GINS1: variants seen among roughly 807,000 people sequenced by gnomAD.
GINS1 encodes GINS complex subunit 1.
In GINS1, 26 loss-of-function variants were observed where a neutral mutation model predicts 34.9. The observed-to-expected ratio is 0.74, with a 90% CI of 0.55 to 1.03. The LOEUF (loss-of-function observed/expected upper bound fraction) is 1.03. Among genes scored for constraint, GINS1 ranks in the 50% least tolerant of loss-of-function variants. GINS1 has a pLI of 0.00. For missense variants in GINS1, 235 were observed against 237.9 expected (o/e 0.99, Z 0.08); for synonymous variants, 97 against 84.4 (o/e 1.15, Z -0.82).
chr20:25,444,072 C>G (rs6132833), intron 6 of GINS1, among the ~76,000 whole-genome samples: 57,771 of 151,190 alleles, frequency 0.38, 12,578 homozygotes, highest in East Asian at 0.92. Context: ...AGTGCAGTGG[C>G]GTGATCTTGG....
At chr20:25,417,535 TCTTA>T (rs1365698752) in intron 3 of GINS1, among the ~76,000 whole-genome samples, 1 of 152,148 alleles carries the variant, frequency 6.6e-6, no homozygotes. Context: ...ACGGTAGTGT[TCTTA>T]CTATTTTTTC....
intron 5 of GINS1, among the ~76,000 whole-genome samples, chr20:25,435,457 G>A (rs2090448828): frequency 1.3e-5 from 2 of 151,974 alleles, no homozygotes; most frequent in South Asian, 4.1e-4. Context: ...TCCAAGCCTG[G>A]CTAATTTTTA....
intron 4 of GINS1, among the ~76,000 whole-genome samples, chr20:25,424,183 C>G (rs910354350): frequency 1.3e-5 from 2 of 152,116 alleles, no homozygotes; most frequent in Admixed American, 1.3e-4. Context: ...GTTCTTATAC[C>G]AATTCCACTG....
chr20:25,409,051 A>G, intron 1 of GINS1: 1 of 984,214 alleles, frequency 1.0e-6, no homozygotes, highest in Non-Finnish European at 1.2e-6. Flanking sequence ...ATCCTCAAGG[A>G]TGAGGTTACT....
At position 25,448,197 on chromosome 20, in the gene GINS1, T is replaced by G. The variant is rs1009108211; in HGVS notation, c.*2206T>G. On this transcript the variant is annotated 3_prime_UTR_variant, in exon 7 of 7. Coordinates refer to ENST00000262460, the MANE Select transcript of GINS1 (RefSeq NM_021067.5). Reference sequence around the variant, plus strand: ...ACAACAAAAACCCCTGTTGGGCACCTTGATTGAGATTGCATTGAATTTATA... The same window carrying G: ...ACAACAAAAACCCCTGTTGGGCACCGTGATTGAGATTGCATTGAATTTATA... 1 of 152,198 alleles carries G rather than the reference T, an allele frequency of 6.6e-6. No individual in the cohort carries two copies. Among genetic ancestry groups the G allele is most frequent in the African/African-American group, 2.4e-5 (1 of 41,452 alleles). 9.4% of individuals were successfully genotyped at this position (152,198 alleles called of 1,614,324 possible). A position where few individuals can be genotyped will look rare whatever the true frequency, so the allele number is the denominator to read the frequency against.
Position 25,445,917 on chromosome 20 carries a change from C to T in GINS1, c.523-6C>T, listed in dbSNP as rs752753284. Reference sequence around the variant, plus strand: ...ACTCTTTCTCCATCCCTTCTTGTCCCCTCAGCACTTTTTACCTCGATGGAA... The same window carrying T: ...ACTCTTTCTCCATCCCTTCTTGTCCTCTCAGCACTTTTTACCTCGATGGAA... On this transcript the variant is annotated splice_region_variant and splice_polypyrimidine_tract_variant and intron_variant, in intron 6 of 6. Coordinates refer to ENST00000262460, the MANE Select transcript of GINS1 (RefSeq NM_021067.5). 4.4e-6 allele frequency: 7 copies of T among 1,578,206 alleles called. No homozygotes were observed. In the African/African-American group the frequency reaches 8.1e-5, roughly 18 times the overall value.
At chr20:25,426,682 C>T (rs779021784) in intron 5 of GINS1, among the ~76,000 whole-genome samples, 6 of 151,758 alleles carry the variant, frequency 4.0e-5, no homozygotes. Flanking sequence ...TGTGCCACCA[C>T]CCCTGGCTAA....
chr20:25,437,521 T>A (rs567060879), intron 5 of GINS1, among the ~76,000 whole-genome samples: 1 of 152,300 alleles, frequency 6.6e-6, no homozygotes, highest in African/African-American at 2.4e-5. Context: ...GACTCCAGAG[T>A]TCCAAAATAC....
intron 1 of GINS1, 120 bp downstream of exon 1, chr20:25,408,015 G>T: frequency 2.8e-6 from 2 of 716,332 alleles, no homozygotes; most frequent in East Asian, 2.7e-5. Flanking sequence ...CGGAAAACTT[G>T]GGAAGCAGCA....
intron 4 of GINS1, among the ~76,000 whole-genome samples, chr20:25,423,113 G>T (rs962865809): frequency 9.1e-4 from 129 of 141,242 alleles, no homozygotes; most frequent in Non-Finnish European, 1.5e-3. Context: ...AGTATTTCTG[G>T]TTTTTTTTTT....
At chr20:25,408,979 G>A (rs2090266083) in intron 1 of GINS1, 2 of 984,604 alleles carry the variant, frequency 2.0e-6, no homozygotes, top group Admixed American at 1.2e-4. Flanking sequence ...GGTATAGCAA[G>A]GAGCACGAAG....
chr20:25,422,770 A>AT (rs1417871098), intron 4 of GINS1, among the ~76,000 whole-genome samples: 4 of 152,170 alleles, frequency 2.6e-5, no homozygotes, highest in Admixed American at 1.3e-4. Context: ...GCAAGAGCTC[A>AT]TTCCTTGTTT....
chr20:25,426,545 G>A (rs564244233), intron 5 of GINS1, among the ~76,000 whole-genome samples: 3 of 151,074 alleles, frequency 2.0e-5, no homozygotes, highest in African/African-American at 4.9e-5. Flanking sequence ...TTTTTTTTGA[G>A]ATGGAGTTTC....
At chr20:25,419,354 A>AC (rs2090340742) in intron 4 of GINS1, among the ~76,000 whole-genome samples, 1 of 151,878 alleles carries the variant, frequency 6.6e-6, no homozygotes, top group Admixed American at 6.6e-5. Flanking sequence ...AAAAAAAAAA[A>AC]ACAAATATTC....
At chr20:25,432,301 A>G (rs1004474367) in intron 5 of GINS1, among the ~76,000 whole-genome samples, 4 of 151,254 alleles carry the variant, frequency 2.6e-5, no homozygotes, top group African/African-American at 9.7e-5. Context: ...AGTATTTTCA[A>G]AATTTCCTTT....
chr20:25,424,085 A>G (rs1003060072), intron 4 of GINS1, among the ~76,000 whole-genome samples: 2 of 152,204 alleles, frequency 1.3e-5, no homozygotes, highest in East Asian at 1.9e-4. Flanking sequence ...CACTGTGTGC[A>G]TGGTGCCACC....
At chr20:25,411,180 TGA>T (rs1210736353) in intron 1 of GINS1, 1 of 152,082 alleles carries the variant, frequency 6.6e-6, no homozygotes, top group Non-Finnish European at 1.5e-5. Context: ...GAGGCTGAAG[TGA>T]GAGGATTGCA....
At chr20:25,408,960 T>C in intron 1 of GINS1, 1 of 983,598 alleles carries the variant, frequency 1.0e-6, no homozygotes, top group South Asian at 4.7e-5. Context: ...CGCTAAGTGA[T>C]ACTAAGGAGG....
intron 4 of GINS1, 118 bp downstream of exon 4, chr20:25,418,313 T>A (rs1011629838): frequency 1.4e-6 from 1 of 704,632 alleles, no homozygotes; most frequent in Non-Finnish European, 2.6e-6. Context: ...TTCCCCAATT[T>A]TTGGCTGGTA....
Sources: allele counts gnomAD v4.1 joint callset (sites outside exome capture counted in the v4.1 genomes callset), GRCh38; gene constraint gnomAD v4.1.1; transcripts MANE v1.5; gene names NCBI Gene and HGNC (gene_info 2026-07-23, HGNC 2026-07-21).